RARB: variants seen among roughly 807,000 people sequenced by gnomAD.
The protein encoded by RARB is retinoic acid receptor beta, also known as HBV-activated protein.
RARB carries 17 observed loss-of-function variants against 51.9 expected under a neutral mutation model. The observed-to-expected ratio is 0.33, with a 90% confidence interval of 0.22 to 0.49. RARB has a LOEUF of 0.49. Among genes scored for constraint, RARB ranks in the 20% least tolerant of loss-of-function variants. RARB has a pLI of 0.99. For synonymous variants in RARB, 215 were observed against 195.4 expected, an observed-to-expected ratio of 1.10 and a Z score of -0.84; for missense variants, 369 against 550.8, an observed-to-expected ratio of 0.67 and a Z score of 3.30.
At chr3:25,094,716 CAA>C (rs57477720) in intron 3 of RARB, among the ~76,000 whole-genome samples, 22 of 43,104 alleles carry the variant, frequency 5.1e-4, no homozygotes, top group African/African-American at 2.0e-3. Context: ...GACCCCATCT[CAA>C]AAAAAAAAAA....
At chr3:25,052,266 G>A (rs1575137390) in intron 2 of RARB, among the ~76,000 whole-genome samples, 1 of 152,136 alleles carries the variant, frequency 6.6e-6, no homozygotes, top group African/African-American at 2.4e-5. Flanking sequence ...CATTGTGTAT[G>A]TGATTCCCAA....
At chr3:25,440,941 G>A (rs73042239) in intron 1 of RARB, among the ~76,000 whole-genome samples, 2 of 151,734 alleles carry the variant, frequency 1.3e-5, no homozygotes, top group African/African-American at 4.8e-5. Context: ...AAATTCACAC[G>A]CAAATGAAGA....
rs568906392 is a variant in RARB, at chr3:25,497,587, C to T, written c.307-3595C>T. ...GAGAGGACCTTCCAAGTAAACTGCCCAATCCCTCATTCAGGGGAAGAGAGA... is the reference window on the plus strand; with the variant it reads ...GAGAGGACCTTCCAAGTAAACTGCCTAATCCCTCATTCAGGGGAAGAGAGA... On this transcript the variant is annotated intron_variant, in intron 2 of 7. Coordinates refer to ENST00000330688, the MANE Select transcript of RARB (RefSeq NM_000965.5). Among the ~76,000 whole-genome samples the T allele has an allele frequency of 7.9e-5, 12 of 152,314 alleles. No individual in the cohort carries two copies. In the South Asian group the frequency reaches 2.1e-3, roughly 26 times the overall value.
chr3:25,245,571 TGGCTG>T (rs535842080), intron 5 of RARB, among the ~76,000 whole-genome samples: 17 of 152,336 alleles, frequency 1.1e-4, no homozygotes, highest in South Asian at 6.2e-4. Context: ...AAGCTTAGTT[TGGCTG>T]GATATGAAAT....
intron 5 of RARB, among the ~76,000 whole-genome samples, chr3:25,257,702 T>A (rs1374194373): frequency 6.6e-6 from 1 of 152,128 alleles, no homozygotes; most frequent in Non-Finnish European, 1.5e-5. Context: ...ATCTGCTCTC[T>A]ATTTACAGAG....
At chr3:24,933,245 C>T (rs1047814417) in intron 2 of RARB, among the ~76,000 whole-genome samples, 4 of 151,694 alleles carry the variant, frequency 2.6e-5, no homozygotes, top group Non-Finnish European at 5.9e-5. Flanking sequence ...CATTGGTTTT[C>T]GATTTGAGGA....
chr3:25,259,658 A>T (rs767143914), intron 5 of RARB, among the ~76,000 whole-genome samples: 1 of 152,204 alleles, frequency 6.6e-6, no homozygotes, highest in Non-Finnish European at 1.5e-5. Flanking sequence ...CCGTTACAGC[A>T]GCTAGTATGA....
chr3:25,366,118 A>G (rs934032633), intron 5 of RARB, among the ~76,000 whole-genome samples: 1 of 152,200 alleles, frequency 6.6e-6, no homozygotes, highest in African/African-American at 2.4e-5. Flanking sequence ...CAAGGCCTTT[A>G]TGCATTATGG....
At chr3:25,310,344 A>G (rs1704258587) in intron 5 of RARB, among the ~76,000 whole-genome samples, 1 of 152,232 alleles carries the variant, frequency 6.6e-6, no homozygotes, top group Admixed American at 6.5e-5. Flanking sequence ...CCTAGTCTGT[A>G]TGACTGACAG....
At chr3:25,569,516 C>T (rs1057084430) in intron 3 of RARB, among the ~76,000 whole-genome samples, 1 of 152,196 alleles carries the variant, frequency 6.6e-6, no homozygotes, top group Non-Finnish European at 1.5e-5. Context: ...CTGGGTGAGC[C>T]CAAGCTCTCC....
intron 5 of RARB, among the ~76,000 whole-genome samples, chr3:25,300,639 G>A (rs907300668): frequency 1.5e-4 from 23 of 152,112 alleles, no homozygotes; most frequent in African/African-American, 5.1e-4. Flanking sequence ...ACTCAGGGAA[G>A]CTAGGACTGT....
chr3:25,283,261 G>C (rs900301042), intron 5 of RARB, among the ~76,000 whole-genome samples: 2 of 152,146 alleles, frequency 1.3e-5, no homozygotes, highest in African/African-American at 4.8e-5. Flanking sequence ...TCTCACTTTT[G>C]CCAGCCTGAA....
chr3:24,829,617 G>C (rs1359075293), intron 1 of RARB, among the ~76,000 whole-genome samples: 1 of 152,246 alleles, frequency 6.6e-6, no homozygotes, highest in Non-Finnish European at 1.5e-5. Flanking sequence ...CCGATCCCAG[G>C]ACATCTGGAC....
intron 3 of RARB, among the ~76,000 whole-genome samples, chr3:25,102,698 T>G (rs1343195877): frequency 6.6e-6 from 1 of 152,168 alleles, no homozygotes; most frequent in Non-Finnish European, 1.5e-5. Context: ...AAGAGACATT[T>G]TGGTATTCAG....
chr3:24,861,080 TTTCAC>T (rs1179706695), intron 2 of RARB, among the ~76,000 whole-genome samples: 1 of 152,212 alleles, frequency 6.6e-6, no homozygotes, highest in African/African-American at 2.4e-5. Flanking sequence ...CACTGAGGGT[TTTCAC>T]TTGTGAATTC....
intron 5 of RARB, among the ~76,000 whole-genome samples, chr3:25,335,930 A>G (rs1705048504): frequency 6.6e-6 from 1 of 152,240 alleles, no homozygotes; most frequent in Non-Finnish European, 1.5e-5. Flanking sequence ...TCTCATTAAT[A>G]AATGTTCATT....
chr3:25,449,514 C>T (rs9860017), intron 1 of RARB, among the ~76,000 whole-genome samples: 7,959 of 152,156 alleles, frequency 0.052, 320 homozygotes, highest in Admixed American at 0.12. Context: ...AAACTTCCTG[C>T]CAGGGACAGC....
intron 1 of RARB, among the ~76,000 whole-genome samples, chr3:24,843,382 C>A (rs1468917759): frequency 1.3e-5 from 2 of 152,288 alleles, no homozygotes; most frequent in East Asian, 1.9e-4. Flanking sequence ...TACTTACTAG[C>A]TGTGGGACCT....
chr3:24,835,249 A>T (rs1373378913), intron 1 of RARB, among the ~76,000 whole-genome samples: 5 of 152,226 alleles, frequency 3.3e-5, no homozygotes, highest in African/African-American at 9.6e-5. Context: ...ATAAGTAAAC[A>T]TAGAAAAGAT....
Sources: allele counts gnomAD v4.1 joint callset (sites outside exome capture counted in the v4.1 genomes callset), GRCh38; gene constraint gnomAD v4.1.1; transcripts MANE v1.5; gene names NCBI Gene and HGNC (gene_info 2026-07-23, HGNC 2026-07-21).